The following TTC28 variants were observed in gnomAD, a reference collection of about 807,000 sequenced individuals.
TTC28 encodes tetratricopeptide repeat domain 28, also known as tetratricopeptide repeat protein 28.
TTC28 carries 61 observed loss-of-function variants against 198.0 expected under a neutral mutation model. That is an observed-to-expected ratio of 0.31 (90% CI 0.25 to 0.38). TTC28 has a LOEUF of 0.38. Ranked by LOEUF, TTC28 falls within the 10% of genes least tolerant of loss-of-function variation. The pLI is 1.00. For synonymous variants in TTC28, 1,171 were observed against 1,297.8 expected, an observed-to-expected ratio of 0.90 and a Z score of 2.10; for missense variants, 2,678 against 3,164.0, an observed-to-expected ratio of 0.85 and a Z score of 3.69.
At chr22:28,085,874 A>G (rs1395213206) in intron 12 of TTC28, among the ~76,000 whole-genome samples, 3 of 152,192 alleles carry the variant, frequency 2.0e-5, no homozygotes, top group Admixed American at 1.3e-4. Flanking sequence ...GGTCTCTGAT[A>G]AAACAGACTT....
At chr22:28,642,481 C>T (rs2051385334) in intron 1 of TTC28, among the ~76,000 whole-genome samples, 1 of 151,624 alleles carries the variant, frequency 6.6e-6, no homozygotes, top group Non-Finnish European at 1.5e-5. Flanking sequence ...CTGTGAAAGG[C>T]CCAAGCAGTT....
intron 5 of TTC28, among the ~76,000 whole-genome samples, chr22:28,285,666 T>C (rs2044670599): frequency 6.6e-6 from 1 of 152,186 alleles, no homozygotes; most frequent in South Asian, 2.1e-4. Context: ...AACAATTACA[T>C]TGTACACCTT....
intron 5 of TTC28, among the ~76,000 whole-genome samples, chr22:28,209,881 C>T (rs1223981426): frequency 2.6e-5 from 4 of 152,170 alleles, no homozygotes; most frequent in African/African-American, 9.7e-5. Flanking sequence ...CTGAGAGACA[C>T]CTCCCAGTAG....
At chr22:28,671,135 A>G (rs2051873613) in intron 1 of TTC28, among the ~76,000 whole-genome samples, 1 of 151,828 alleles carries the variant, frequency 6.6e-6, no homozygotes, top group African/African-American at 2.4e-5. Flanking sequence ...TGTAGAGAAG[A>G]GGTGTTACTA....
intron 2 of TTC28, among the ~76,000 whole-genome samples, chr22:28,607,124 T>A (rs1454238695): frequency 6.6e-6 from 1 of 152,192 alleles, no homozygotes; most frequent in Non-Finnish European, 1.5e-5. Context: ...CCCAGTTTAT[T>A]ACCTCTAGCT....
intron 2 of TTC28, among the ~76,000 whole-genome samples, chr22:28,452,215 C>T (rs1214759262): frequency 6.6e-6 from 1 of 151,580 alleles, no homozygotes; most frequent in Non-Finnish European, 1.5e-5. Flanking sequence ...TGGTGAAACC[C>T]CATCTCTACT....
chr22:28,464,196 C>T (rs918538220), intron 2 of TTC28, among the ~76,000 whole-genome samples: 3 of 152,044 alleles, frequency 2.0e-5, no homozygotes, highest in Admixed American at 2.0e-4. Flanking sequence ...GAGACGTTTA[C>T]AAAAAAGTTC....
At chr22:28,098,876 G>A in intron 10 of TTC28, 39 bp downstream of exon 10, 1 of 1,549,054 alleles carries the variant, frequency 6.5e-7, no homozygotes, top group Non-Finnish European at 8.7e-7. Flanking sequence ...GTGCGCACTA[G>A]TGCACACGTA....
chr22:28,521,139 C>T (rs1273830190), intron 2 of TTC28, among the ~76,000 whole-genome samples: 4 of 151,994 alleles, frequency 2.6e-5, no homozygotes, highest in African/African-American at 9.7e-5. Flanking sequence ...GTGGCTCATG[C>T]CTATAATCCA....
intron 19 of TTC28, among the ~76,000 whole-genome samples, chr22:27,991,336 GA>G (rs1937399218): frequency 6.6e-6 from 1 of 152,218 alleles, no homozygotes; most frequent in Non-Finnish European, 1.5e-5. Context: ...GTAGAACACA[GA>G]CCTCTAGACC....
chr22:28,474,879 C>CA lies in TTC28; in HGVS notation c.381+154672dup, dbSNP rs1485230788. Among the ~76,000 whole-genome samples the CA allele has an allele frequency of 4.0e-5, 6 of 149,528 alleles. No homozygotes were observed. The South Asian group carries it at 6.3e-4, about 16-fold the overall frequency. ...TATAAAAGGCAGGCACCAAAGCAAACAAAAAAAAGTAATTTGGGGAAAATA... is the reference window on the plus strand; with the variant it reads ...TATAAAAGGCAGGCACCAAAGCAAACAAAAAAAAAGTAATTTGGGGAAAATA... On this transcript the variant is annotated intron_variant, in intron 2 of 22. Transcript: ENST00000397906.
intron 12 of TTC28, among the ~76,000 whole-genome samples, chr22:28,038,926 A>C (rs767951360): frequency 6.6e-6 from 1 of 152,236 alleles, no homozygotes; most frequent in Admixed American, 6.5e-5. Context: ...AAAATGCTCA[A>C]CATCACTGGC....
intron 12 of TTC28, among the ~76,000 whole-genome samples, chr22:28,060,847 G>C (rs1466896786): frequency 6.6e-6 from 1 of 152,076 alleles, no homozygotes; most frequent in African/African-American, 2.4e-5. Context: ...CAGTGTAAAA[G>C]TGTTCCTATT....
At chr22:28,476,674 C>T (rs2048172203) in intron 2 of TTC28, among the ~76,000 whole-genome samples, 1 of 152,074 alleles carries the variant, frequency 6.6e-6, no homozygotes. Context: ...TTTGCATTTC[C>T]TTGACTAGTA....
intron 2 of TTC28, among the ~76,000 whole-genome samples, chr22:28,591,773 A>C (rs1024227795): frequency 6.6e-6 from 1 of 152,126 alleles, no homozygotes; most frequent in South Asian, 2.1e-4. Flanking sequence ...TATGACTCAA[A>C]GATTTTTTTT....
chr22:28,385,959 C>T (rs1417758926), intron 2 of TTC28, among the ~76,000 whole-genome samples: 1 of 152,082 alleles, frequency 6.6e-6, no homozygotes, highest in Non-Finnish European at 1.5e-5. Flanking sequence ...TTCTAAGCCC[C>T]GCTCGAGTCC....
At chr22:28,485,618 T>C (rs1010875083) in intron 2 of TTC28, among the ~76,000 whole-genome samples, 4 of 152,050 alleles carry the variant, frequency 2.6e-5, no homozygotes, top group Non-Finnish European at 4.4e-5. Flanking sequence ...GCTGGGTCTG[T>C]GGGGTGGGGA....
chr22:28,449,853 T>C (rs994436319), intron 2 of TTC28, among the ~76,000 whole-genome samples: 1 of 152,038 alleles, frequency 6.6e-6, no homozygotes, highest in Non-Finnish European at 1.5e-5. Context: ...TGAGAGACAT[T>C]TCACAAGTCA....
At chr22:28,505,775 G>A (rs920311887) in intron 2 of TTC28, among the ~76,000 whole-genome samples, 2 of 152,220 alleles carry the variant, frequency 1.3e-5, no homozygotes, top group Non-Finnish European at 2.9e-5. Flanking sequence ...GAGCCAAGCA[G>A]TGTCACTCTG....
Sources: allele counts gnomAD v4.1 joint callset (sites outside exome capture counted in the v4.1 genomes callset), GRCh38; gene constraint gnomAD v4.1.1; transcripts MANE v1.5; gene names NCBI Gene and HGNC (gene_info 2026-07-23, HGNC 2026-07-21).